The following TAB2 variants were observed in gnomAD, a reference collection of about 807,000 sequenced individuals.
TAB2 encodes the protein TGF-beta-activated kinase 1 and MAP3K7-binding protein 2.
TAB2 carries 3 observed loss-of-function variants against 65.0 expected under a neutral mutation model. The ratio of observed to expected loss-of-function variants is 0.05; its 90% CI spans 0.02 to 0.12. The LOEUF is 0.12. Ranked by LOEUF, TAB2 falls within the 10% of genes least tolerant of loss-of-function variation. The probability of loss-of-function intolerance (pLI) is 1.00; values close to 1 mark genes in which losing one functional copy is unlikely to be tolerated. For synonymous variants in TAB2, 298 were observed against 285.1 expected (o/e 1.05, Z -0.46); for missense variants, 623 against 840.3 (o/e 0.74, Z 3.20).
At chr6:149,375,808 T>G (rs756511975) in intron 2 of TAB2, among the ~76,000 whole-genome samples, 3 of 152,182 alleles carry the variant, frequency 2.0e-5, no homozygotes, top group African/African-American at 7.2e-5. Context: ...AAAATTAGTA[T>G]GTATCAATTA....
At chr6:149,277,605 A>G (rs1260688422) in intron 1 of TAB2, among the ~76,000 whole-genome samples, 1 of 152,156 alleles carries the variant, frequency 6.6e-6, no homozygotes, top group African/African-American at 2.4e-5. Flanking sequence ...GTCTACTTTC[A>G]CTGAATACTT....
chr6:149,347,469 T>C (rs1780343304), intron 1 of TAB2, among the ~76,000 whole-genome samples: 1 of 152,216 alleles, frequency 6.6e-6, no homozygotes. Context: ...TTGCTCCCTT[T>C]AAATTTTAAA....
chr6:149,219,287 G>A (rs1396530666), intron 1 of TAB2, among the ~76,000 whole-genome samples: 1 of 150,004 alleles, frequency 6.7e-6, no homozygotes, highest in Non-Finnish European at 1.5e-5. Context: ...TGCTTACCAA[G>A]TGTTTCATAT....
chr6:149,337,630 A>T (rs1181242856), intron 1 of TAB2, among the ~76,000 whole-genome samples: 2 of 152,242 alleles, frequency 1.3e-5, no homozygotes, highest in African/African-American at 2.4e-5. Context: ...TAAACTGTTT[A>T]AAAAAATAAC....
intron 1 of TAB2, among the ~76,000 whole-genome samples, chr6:149,254,023 A>AAAG (rs1562389474): frequency 1.5e-5 from 2 of 137,332 alleles, no homozygotes; most frequent in African/African-American, 5.5e-5. Context: ...AGAAAGAAAG[A>AAAG]AAAGAAAGAA....
At chr6:149,402,331 C>A (rs1230985490) in intron 6 of TAB2, among the ~76,000 whole-genome samples, 1 of 151,832 alleles carries the variant, frequency 6.6e-6, no homozygotes, top group Non-Finnish European at 1.5e-5. Context: ...AAAATTGATA[C>A]ATTCCTATCC....
intron 1 of TAB2, among the ~76,000 whole-genome samples, chr6:149,245,929 A>T (rs1174999234): frequency 1.3e-5 from 2 of 151,278 alleles, no homozygotes; most frequent in Non-Finnish European, 3.0e-5. Flanking sequence ...TCGTTACTGG[A>T]CTTTTTTTTT....
chr6:149,369,937 T>G lies in TAB2; in HGVS notation c.-61T>G. 1 of 1,407,552 alleles carries G rather than the reference T, an allele frequency of 7.1e-7. No homozygotes were observed. Among genetic ancestry groups the G allele is most frequent in the Admixed American group, 1.7e-5 (1 of 59,698 alleles). The allele number at this position is 1,407,552 out of a possible 1,614,324, so 87.2% of individuals were successfully genotyped here. On this transcript the variant is annotated 5_prime_UTR_variant, in exon 2 of 7. Coordinates refer to ENST00000637181, the MANE Select transcript of TAB2 (RefSeq NM_001292034.3). ...ATGCTTGGACAGAAGAGATGAGTAC[T>G]ATTTCCACTAAGGCCTAGAATTGCC... is the stretch of plus-strand genomic sequence containing the variant.
intron 3 of TAB2, among the ~76,000 whole-genome samples, chr6:149,395,143 T>C (rs529387230): frequency 6.6e-6 from 1 of 152,394 alleles, no homozygotes; most frequent in South Asian, 2.1e-4. Flanking sequence ...TTTCCTATTT[T>C]GTTCATGGAC....
At chr6:149,322,452 CAG>C (rs1217290136) in intron 1 of TAB2, among the ~76,000 whole-genome samples, 1 of 152,066 alleles carries the variant, frequency 6.6e-6, no homozygotes, top group South Asian at 2.1e-4. Flanking sequence ...TTCAAAGTTA[CAG>C]AGTTTCAACA....
At chr6:149,349,817 A>G (rs910851886) in intron 1 of TAB2, among the ~76,000 whole-genome samples, 1 of 152,220 alleles carries the variant, frequency 6.6e-6, no homozygotes, top group Non-Finnish European at 1.5e-5. Context: ...ATGTTTATTT[A>G]GAGAGTTATG....
intron 1 of TAB2, among the ~76,000 whole-genome samples, chr6:149,283,095 T>C (rs987859269): frequency 6.6e-6 from 1 of 152,202 alleles, no homozygotes; most frequent in Non-Finnish European, 1.5e-5. Flanking sequence ...TTCCTCCAGT[T>C]AGTACGTTTG....
Position 149,397,758 on chromosome 6 carries a change from A to G in TAB2, c.1758A>G (p.Ile586Met). 1 of 1,613,118 alleles carries G rather than the reference A, an allele frequency of 6.2e-7. No individual in the cohort carries two copies. The highest frequency in any genetic ancestry group is 8.5e-7 in the Non-Finnish European group (1 of 1,179,998). The change falls in exon 4 of 7, where the codon ATA becomes ATG. Residue 586 changes from isoleucine to methionine, a missense_variant. Physicochemically the swap from Ile to Met is conservative, Grantham distance 10. This residue lies in a region of TAB2 where 550 missense variants were observed against 665.7 expected (regional missense o/e 0.83). Transcript: ENST00000637181. ...AAAGATCAAATTCTATATCCCAGATACCTTCCGTAAGTCTTTATGTAACTG... is the reference window on the plus strand; with the variant it reads ...AAAGATCAAATTCTATATCCCAGATGCCTTCCGTAAGTCTTTATGTAACTG... Reference protein sequence around the residue: ...RLKRSNSISQIPSLEEMQQLR... With the variant: ...RLKRSNSISQMPSLEEMQQLR...
chr6:149,358,429 A>G (rs957204059), intron 1 of TAB2, among the ~76,000 whole-genome samples: 1 of 152,176 alleles, frequency 6.6e-6, no homozygotes, highest in African/African-American at 2.4e-5. Context: ...AGTATTTCAT[A>G]TCTTCAGATT....
At chr6:149,389,645 CAAAAA>C (rs370622661) in intron 3 of TAB2, among the ~76,000 whole-genome samples, 3 of 86,886 alleles carry the variant, frequency 3.5e-5, no homozygotes, top group Admixed American at 2.5e-4. Flanking sequence ...AACTCTGTGT[CAAAAA>C]AAAAAAAAAA....
intron 1 of TAB2, chr6:149,243,543 A>G (rs1777642482): frequency 6.6e-6 from 1 of 152,210 alleles, no homozygotes; most frequent in Non-Finnish European, 1.5e-5. Flanking sequence ...CCATAACCTA[A>G]AACACAGGAG....
intron 1 of TAB2, among the ~76,000 whole-genome samples, chr6:149,248,511 A>G (rs181728217): frequency 2.2e-4 from 34 of 152,140 alleles, no homozygotes; most frequent in Admixed American, 3.9e-4. Flanking sequence ...AGAGAGAAAG[A>G]AAGAAAAGCA....
chr6:149,343,471 CA>C (rs5880835), intron 1 of TAB2, among the ~76,000 whole-genome samples: 2,114 of 68,428 alleles, frequency 0.031, 30 homozygotes, highest in African/African-American at 0.092. Context: ...GACTCCGTCT[CA>C]AAAAAAAAAA....
intron 1 of TAB2, among the ~76,000 whole-genome samples, chr6:149,326,586 T>A (rs913189514): frequency 3.3e-5 from 5 of 151,904 alleles, no homozygotes; most frequent in African/African-American, 7.3e-5. Context: ...CTTGCTCTTT[T>A]GTCCAGGCTA....
Sources: gnomAD v4.1 joint callset for allele counts (sites outside exome capture counted in the v4.1 genomes callset) on GRCh38, gnomAD v4.1.1 for gene constraint, gnomAD v4.1.1 regional missense constraint, MANE v1.5 for transcripts, NCBI Gene and HGNC (gene_info 2026-07-23, HGNC 2026-07-21) for gene names.